Variants in CAMK4 observed in about 807,000 individuals in gnomAD.
The protein encoded by CAMK4 is calcium/calmodulin-dependent protein kinase type IV.
CAMK4 carries 22 observed loss-of-function variants against 44.9 expected under a neutral mutation model. The ratio of observed to expected loss-of-function variants is 0.49; its 90% confidence interval spans 0.35 to 0.70. The LOEUF (loss-of-function observed/expected upper bound fraction) is 0.70, where lower values mean the gene tolerates loss of function less well. CAMK4 is among the 30% of genes least tolerant of loss of function. CAMK4 has a pLI of 0.01. For missense variants in CAMK4, 498 were observed against 586.8 expected (o/e 0.85, Z 1.56); for synonymous variants, 218 against 215.4 (o/e 1.01, Z -0.11).
rs1216821874 is a variant in CAMK4 at position 111,489,180 on chromosome 5, T to C, written c.*4714T>C. The C allele has an allele frequency of 6.6e-6, 1 of 152,190 alleles. No homozygotes were observed. The allele number at this position is 152,190 out of a possible 1,614,324, so 9.4% of individuals were successfully genotyped here. On this transcript the variant is annotated 3_prime_UTR_variant, in exon 11 of 11. Coordinates refer to ENST00000282356, the MANE Select transcript of CAMK4 (RefSeq NM_001744.6). ...AACAGAAATGTACCCAATAATTTCCTATAAAATTTTTCAAAGTCCTTTTAT... is the reference window on the plus strand; with the variant it reads ...AACAGAAATGTACCCAATAATTTCCCATAAAATTTTTCAAAGTCCTTTTAT...
At chr5:111,471,429 G>T (rs116461345) in intron 7 of CAMK4, among the ~76,000 whole-genome samples, 1 of 152,142 alleles carries the variant, frequency 6.6e-6, no homozygotes, top group Non-Finnish European at 1.5e-5. Context: ...TTATCCACTT[G>T]TATACTGTTA....
rs1053514262 is a variant in CAMK4 at position 111,482,489 on chromosome 5, A to G, written c.829-296A>G. On this transcript the variant is annotated intron_variant, in intron 9 of 10. Coordinates refer to ENST00000282356, the MANE Select transcript of CAMK4 (RefSeq NM_001744.6). The surrounding 1 kb of genome is among the most constrained non-coding windows in gnomAD (Gnocchi z 4.9). ...AATTATTTTGCTGGTTCTGCCTTCA[A>G]AGAACTTCCAGTCCACAGGCAAGTG... The G allele has an allele frequency of 1.7e-5, 4 of 230,230 alleles. No individual in the cohort carries two copies. The highest frequency in any genetic ancestry group is 2.5e-5 in the Non-Finnish European group (3 of 119,904). 14.3% of individuals were successfully genotyped at this position (230,230 alleles called of 1,614,324 possible).
Position 111,224,730 on chromosome 5 carries a change from C to T in CAMK4, c.161+86C>T. On this transcript the variant is annotated intron_variant, in intron 1 of 10. Transcript: ENST00000282356. This position sits in a 1 kb window ranked among gnomAD's most constrained non-coding sequence, Gnocchi z 5.7. ...AGCGACGGCTCGGAGGGTGCGGGAG[C>T]CTGCCTTCGTGCCCTTCGATTTCTC... is the stretch of plus-strand genomic sequence containing the variant. 1.5e-6 allele frequency: 2 copies of T among 1,334,422 alleles called. No individual in the cohort carries two copies. Among genetic ancestry groups the T allele is most frequent in the Non-Finnish European group, 2.1e-6 (2 of 972,046 alleles). The allele number at this position is 1,334,422 out of a possible 1,614,324, so 82.7% of individuals were successfully genotyped here.
upstream of CAMK4, chr5:111,223,596 G>C (rs1748025702): frequency 6.6e-6 from 1 of 152,282 alleles, no homozygotes; most frequent in South Asian, 2.1e-4. The surrounding 1 kb of genome is among the most constrained non-coding windows in gnomAD (Gnocchi z 4.3). Flanking sequence ...TGCTGAGATT[G>C]AACTCGACAC....
chr5:111,380,292 A>G (rs2112834010), intron 4 of CAMK4, among the ~76,000 whole-genome samples: 1 of 152,060 alleles, frequency 6.6e-6, no homozygotes, highest in South Asian at 2.1e-4. Context: ...AAACATTGTC[A>G]TGGGTTTTTT....
At chr5:111,440,090 G>C (rs1226419087) in intron 5 of CAMK4, among the ~76,000 whole-genome samples, 1 of 152,194 alleles carries the variant, frequency 6.6e-6, no homozygotes, top group Non-Finnish European at 1.5e-5. Context: ...AGAATATGGA[G>C]GTAGTGGTTG....
chr5:111,443,321 ATATATAC>A (rs1753910268), intron 5 of CAMK4, among the ~76,000 whole-genome samples: 1 of 136,992 alleles, frequency 7.3e-6, no homozygotes, highest in Admixed American at 7.5e-5. Context: ...CACACTATAT[ATATATAC>A]TATATATACT....
At chr5:111,309,743 C>G (rs772836365) in intron 1 of CAMK4, among the ~76,000 whole-genome samples, 6 of 152,116 alleles carry the variant, frequency 3.9e-5, no homozygotes, top group Non-Finnish European at 8.8e-5. Flanking sequence ...ACTAAAATGT[C>G]TGTTCTCTAA....
At chr5:111,236,445 G>A (rs1748728535) in intron 1 of CAMK4, among the ~76,000 whole-genome samples, 1 of 152,254 alleles carries the variant, frequency 6.6e-6, no homozygotes, top group Non-Finnish European at 1.5e-5. Context: ...ACAAGGATGA[G>A]CCTGAGGCTC....
At chr5:111,245,797 A>C (rs1419177039) in intron 1 of CAMK4, among the ~76,000 whole-genome samples, 2 of 152,280 alleles carry the variant, frequency 1.3e-5, no homozygotes, top group Non-Finnish European at 2.9e-5. Context: ...GATATAAACA[A>C]AACTTAACAC....
At chr5:111,252,974 T>C (rs1249513657) in intron 1 of CAMK4, among the ~76,000 whole-genome samples, 3 of 152,218 alleles carry the variant, frequency 2.0e-5, no homozygotes, top group South Asian at 4.1e-4. Flanking sequence ...CAGAAAGAGA[T>C]AGAGGGCTCA....
chr5:111,348,112 A>G (rs1330561299), intron 2 of CAMK4, among the ~76,000 whole-genome samples: 1 of 151,960 alleles, frequency 6.6e-6, no homozygotes, highest in Non-Finnish European at 1.5e-5. Context: ...GATCTGTTTA[A>G]ACATTTTTCC....
intron 4 of CAMK4, among the ~76,000 whole-genome samples, chr5:111,383,283 GC>G (rs1751483405): frequency 6.6e-6 from 1 of 152,176 alleles, no homozygotes; most frequent in African/African-American, 2.4e-5. Flanking sequence ...TTCCTCTGAA[GC>G]AGAAAGAAAG....
At chr5:111,245,165 C>T (rs1407660305) in intron 1 of CAMK4, among the ~76,000 whole-genome samples, 2 of 152,048 alleles carry the variant, frequency 1.3e-5, no homozygotes, top group East Asian at 1.9e-4. Context: ...ATATTGATTC[C>T]ATAAGTTATT....
chr5:111,239,722 T>C (rs540132199), intron 1 of CAMK4, among the ~76,000 whole-genome samples: 1 of 152,352 alleles, frequency 6.6e-6, no homozygotes, highest in African/African-American at 2.4e-5. Context: ...AAGTGTCCAG[T>C]AAGCATTAGA....
At chr5:111,456,794 A>T (rs929292568) in intron 7 of CAMK4, among the ~76,000 whole-genome samples, 1 of 152,206 alleles carries the variant, frequency 6.6e-6, no homozygotes, top group Admixed American at 6.5e-5. Flanking sequence ...GTATGAAGTT[A>T]CACTGAAAAA....
intron 1 of CAMK4, among the ~76,000 whole-genome samples, chr5:111,323,778 G>C (rs1228165907): frequency 6.6e-6 from 1 of 151,990 alleles, no homozygotes; most frequent in Non-Finnish European, 1.5e-5. Flanking sequence ...TAATTTGAAG[G>C]AAAATAACAC....
chr5:111,269,252 T>C (rs1016838676), intron 1 of CAMK4, among the ~76,000 whole-genome samples: 3 of 152,226 alleles, frequency 2.0e-5, no homozygotes, highest in Non-Finnish European at 2.9e-5. Flanking sequence ...TTGGAGAGAA[T>C]TGAGAAGGCA....
Position 111,374,831 on chromosome 5 carries a change from C to G in CAMK4, c.241-19C>G. On this transcript the variant is annotated intron_variant, in intron 2 of 10. Coordinates refer to ENST00000282356, the MANE Select transcript of CAMK4 (RefSeq NM_001744.6). ...GGGGGGAGTTTCTTTCAGTTTATCT[C>G]TTTTATTTTGCCTTTTAGGTGGACA... 3.9e-6 allele frequency: 6 copies of G among 1,553,344 alleles called. No individual in the cohort carries two copies. Among genetic ancestry groups the G allele is most frequent in the Non-Finnish European group, 5.3e-6 (6 of 1,125,710 alleles).
Sources: allele counts gnomAD v4.1 joint callset (sites outside exome capture counted in the v4.1 genomes callset), GRCh38; gene constraint gnomAD v4.1.1; non-coding constraint Gnocchi (gnomAD v3.1); transcripts MANE v1.5; gene names NCBI Gene and HGNC (gene_info 2026-07-23, HGNC 2026-07-21).